The following MECOM variants were observed in gnomAD, a reference collection of about 807,000 sequenced individuals.
MECOM encodes the protein histone-lysine N-methyltransferase MECOM.
A neutral mutation model predicts 116.3 loss-of-function variants in MECOM; 13 were observed. The ratio of observed to expected loss-of-function variants is 0.11; its 90% CI spans 0.07 to 0.18. The LOEUF (loss-of-function observed/expected upper bound fraction) is 0.18. MECOM is among the 10% of genes least tolerant of loss of function. The pLI is 1.00. For missense variants in MECOM, 1,299 were observed against 1,509.0 expected (o/e 0.86, Z 2.31); for synonymous variants, 528 against 535.2 (o/e 0.99, Z 0.19).
intron 1 of MECOM, among the ~76,000 whole-genome samples, chr3:169,414,401 G>A (rs1738166777): frequency 6.6e-6 from 1 of 152,156 alleles, no homozygotes. Context: ...AAAGATGAAA[G>A]GTAGATAAAT....
chr3:169,322,478 C>T (rs1577709508), intron 2 of MECOM, among the ~76,000 whole-genome samples: 1 of 152,256 alleles, frequency 6.6e-6, no homozygotes, highest in East Asian at 1.9e-4. Context: ...GTAAAGAACT[C>T]CTTCATTAAA....
At chr3:169,522,428 C>A (rs770763291) in intron 1 of MECOM, among the ~76,000 whole-genome samples, 2 of 151,936 alleles carry the variant, frequency 1.3e-5, no homozygotes, top group Non-Finnish European at 2.9e-5. Flanking sequence ...TATATCAGAC[C>A]CATTATTGAT....
At chr3:169,498,399 A>G (rs1754101293) in intron 1 of MECOM, among the ~76,000 whole-genome samples, 1 of 152,216 alleles carries the variant, frequency 6.6e-6, no homozygotes, top group African/African-American at 2.4e-5. Flanking sequence ...GTCCAAAAGC[A>G]AGAAAGTTTT....
In MECOM at chr3:169,139,597, T is replaced by C. The variant is rs115921386; in HGVS notation, c.510+4101A>G. Among the ~76,000 whole-genome samples, 614 of 152,230 alleles carry C rather than the reference T, an allele frequency of 4.0e-3. 3 individuals carry two copies. Among genetic ancestry groups the C allele is most frequent in the South Asian group, 0.017 (82 of 4,824 alleles). On this transcript the variant is annotated intron_variant, in intron 3 of 16. Coordinates refer to ENST00000651503, the MANE Select transcript of MECOM (RefSeq NM_004991.4). The stretch of plus-strand genomic sequence containing the variant: ...ATCTAAAAAGCCAACTTAGGTAAAT[T>C]GTGTCTTAGTGACTCTCTGATTATT...
At chr3:169,138,108 G>A (rs183696948) in intron 3 of MECOM, among the ~76,000 whole-genome samples, 1 of 152,188 alleles carries the variant, frequency 6.6e-6, no homozygotes, top group African/African-American at 2.4e-5. Context: ...TTGTGTCCTT[G>A]ACCAAAACAT....
chr3:169,379,162 A>T (rs1376625223), intron 2 of MECOM, among the ~76,000 whole-genome samples: 5 of 151,526 alleles, frequency 3.3e-5, no homozygotes, highest in African/African-American at 1.2e-4. Flanking sequence ...TTAAAAGAGA[A>T]AAAAAAAAAA....
At chr3:169,183,761 T>TACACAC (rs71166249) in intron 2 of MECOM, among the ~76,000 whole-genome samples, 23 of 118,780 alleles carry the variant, frequency 1.9e-4, no homozygotes, top group South Asian at 6.3e-4. Context: ...GATACATACA[T>TACACAC]ACACACACAC....
intron 2 of MECOM, among the ~76,000 whole-genome samples, chr3:169,310,606 G>A (rs554384437): frequency 7.2e-5 from 11 of 152,202 alleles, no homozygotes; most frequent in South Asian, 4.2e-4. Context: ...TGTCACTCTC[G>A]TTCAGAAACC....
intron 13 of MECOM, 72 bp downstream of exon 13, chr3:169,095,004 C>T: frequency 2.4e-6 from 3 of 1,266,232 alleles, no homozygotes; most frequent in Non-Finnish European, 2.1e-6. Context: ...GAAGAAAGAT[C>T]ACATTATCTT....
chr3:169,097,175 T>C (rs901059236), intron 12 of MECOM, among the ~76,000 whole-genome samples: 7 of 152,052 alleles, frequency 4.6e-5, no homozygotes, highest in African/African-American at 1.7e-4. Context: ...TCTACACAAA[T>C]CATGAGGAAG....
At chr3:169,508,018 A>G (rs531545791) in intron 1 of MECOM, among the ~76,000 whole-genome samples, 24 of 152,268 alleles carry the variant, frequency 1.6e-4, no homozygotes, top group African/African-American at 5.3e-4. Context: ...CTTAAATCAC[A>G]GTTCAATCCA....
intron 2 of MECOM, among the ~76,000 whole-genome samples, chr3:169,367,804 T>C (rs1729437766): frequency 6.6e-6 from 1 of 151,860 alleles, no homozygotes; most frequent in Admixed American, 6.6e-5. Context: ...AATAATACAA[T>C]TAACTTTCAA....
chr3:169,431,157 G>C (rs1741556782), intron 1 of MECOM, among the ~76,000 whole-genome samples: 1 of 152,192 alleles, frequency 6.6e-6, no homozygotes, highest in African/African-American at 2.4e-5. Flanking sequence ...TCCTCTGAAA[G>C]AAGCAAGGTT....
chr3:169,627,932 T>C (rs1035059103), intron 1 of MECOM, among the ~76,000 whole-genome samples: 1 of 152,222 alleles, frequency 6.6e-6, no homozygotes, highest in African/African-American at 2.4e-5. Context: ...TGTGGTCAGA[T>C]CACAGGTGAC....
chr3:169,296,132 T>G (rs1715549985), intron 2 of MECOM, among the ~76,000 whole-genome samples: 1 of 152,224 alleles, frequency 6.6e-6, no homozygotes, highest in African/African-American at 2.4e-5. Flanking sequence ...GTCACTTTTT[T>G]GACCAGACCC....
Position 169,344,808 on chromosome 3 carries a change from C to A in MECOM, c.375+36379G>T, listed in dbSNP as rs1331937074. On this transcript the variant is annotated intron_variant, in intron 2 of 16. Transcript: ENST00000651503. ...TATGCAGATATGGGGGCAACCAGATCTTTGATTTCTGGTCCATAGGCTTCC... is the reference window on the plus strand; with the variant it reads ...TATGCAGATATGGGGGCAACCAGATATTTGATTTCTGGTCCATAGGCTTCC... Among the ~76,000 whole-genome samples, 64 of 152,146 alleles carry A rather than the reference C, an allele frequency of 4.2e-4. 3 individuals carry two copies. The highest frequency in any genetic ancestry group is 4.2e-3 in the Admixed American group (64 of 15,256).
intron 2 of MECOM, among the ~76,000 whole-genome samples, chr3:169,313,117 T>G (rs1449516784): frequency 6.6e-6 from 1 of 150,534 alleles, no homozygotes. Context: ...GCAACTAGAG[T>G]TTTTCAAAAA....
Position 169,549,886 on chromosome 3 carries a change from C to T in MECOM, c.37+113450G>A, listed in dbSNP as rs140424527. Reference sequence around the variant, plus strand: ...GATTCAAAACTAATGTAAGAAATAGCTTTGACCTTTAGAGAGCTTGAAATC... The same window carrying T: ...GATTCAAAACTAATGTAAGAAATAGTTTTGACCTTTAGAGAGCTTGAAATC... On this transcript the variant is annotated intron_variant, in intron 1 of 16. Transcript: ENST00000651503. 7.0e-4 allele frequency among the ~76,000 whole-genome samples: 106 copies of T among 152,212 alleles called. No individual in the cohort carries two copies. In the Middle Eastern group the frequency reaches 0.017, roughly 24 times the overall value.
rs1745270147 is a variant in MECOM, at chr3:169,449,936, AC to A, written c.38-68413del. Reference sequence around the variant, plus strand: ...ATTGTAGAAAGATTGCTGCTGTTTTACTTTTCCTTATTCTCTCTACAACAAA... The same window carrying A: ...ATTGTAGAAAGATTGCTGCTGTTTTATTTTCCTTATTCTCTCTACAACAAA... On this transcript the variant is annotated intron_variant, in intron 1 of 16. Coordinates refer to ENST00000651503, the MANE Select transcript of MECOM (RefSeq NM_004991.4). Among the ~76,000 whole-genome samples the A allele has an allele frequency of 3.3e-5, 5 of 152,150 alleles. No individual in the cohort carries two copies. The South Asian group carries it at 1.0e-3, about 32-fold the overall frequency.
Sources: gnomAD v4.1 joint callset for allele counts (sites outside exome capture counted in the v4.1 genomes callset) on GRCh38, gnomAD v4.1.1 for gene constraint, MANE v1.5 for transcripts, NCBI Gene and HGNC (gene_info 2026-07-23, HGNC 2026-07-21) for gene names.